The following CECR2 variants were observed in gnomAD, a reference collection of about 807,000 sequenced individuals.
The protein encoded by CECR2 is CECR2 histone acetyl-lysine reader.
In CECR2, 30 loss-of-function variants were observed where a neutral mutation model predicts 154.5. The observed-to-expected ratio is 0.19, with a 90% CI of 0.15 to 0.26. The LOEUF is 0.26. Among genes scored for constraint, CECR2 ranks in the 10% least tolerant of loss-of-function variants. The pLI is 1.00. For synonymous variants in CECR2, 725 were observed against 683.7 expected, an observed-to-expected ratio of 1.06 and a Z score of -0.94; for missense variants, 1,743 against 1,829.3, an observed-to-expected ratio of 0.95 and a Z score of 0.86.
intron 2 of CECR2, among the ~76,000 whole-genome samples, chr22:17,493,440 C>G (rs1038818016): frequency 6.6e-6 from 1 of 152,144 alleles, no homozygotes; most frequent in Non-Finnish European, 1.5e-5. Context: ...CTTCCTGAAG[C>G]CTTTTTATTT....
Position 17,521,182 on chromosome 22 carries a change from T to C in CECR2, c.955-2936T>C, listed in dbSNP as rs572671466. On this transcript the variant is annotated intron_variant, in intron 8 of 18. Transcript: ENST00000262608. The stretch of plus-strand genomic sequence containing the variant: ...ATTGTGGTTTTGATTTGCATTTCTC[T>C]GATGACCAGTGATGATGAGCATTTT... Among the ~76,000 whole-genome samples, 331 of 152,348 alleles carry C rather than the reference T, an allele frequency of 2.2e-3. 1 individual carries two copies. Among genetic ancestry groups the C allele is most frequent in the African/African-American group, 7.7e-3 (320 of 41,584 alleles).
intron 1 of CECR2, among the ~76,000 whole-genome samples, chr22:17,455,443 T>C (rs931246920): frequency 6.6e-6 from 1 of 152,198 alleles, no homozygotes. Flanking sequence ...ATCTTCATCT[T>C]CCCAGGATTT....
chr22:17,386,175 C>T (rs2146489745), intron 1 of CECR2, among the ~76,000 whole-genome samples: 1 of 152,176 alleles, frequency 6.6e-6, no homozygotes, highest in Non-Finnish European at 1.5e-5. Flanking sequence ...AGGAAAATGA[C>T]AACGGAAAAG....
Position 17,542,787 on chromosome 22 carries a change from A to C in CECR2, c.2644A>C (p.Ser882Arg), listed in dbSNP as rs2056549601. The C allele has an allele frequency of 6.2e-7, 1 of 1,613,856 alleles. No individual in the cohort carries two copies. The highest frequency in any genetic ancestry group is 8.5e-7 in the Non-Finnish European group (1 of 1,179,896). Reference protein sequence around the residue: ...GVQGGDSMMDSPEMIAMQQLS... With the variant: ...GVQGGDSMMDRPEMIAMQQLS... Reference sequence around the variant, plus strand: ...GCAGGGAGGGGACTCCATGATGGACAGCCCAGAGATGATTGCGATGCAGCA... The same window carrying C: ...GCAGGGAGGGGACTCCATGATGGACCGCCCAGAGATGATTGCGATGCAGCA... Residue 882 changes from serine to arginine, a missense_variant, in exon 16 of 19, where the codon AGC (serine) becomes CGC (arginine). Transcript: ENST00000262608.
In CECR2 at chr22:17,380,703, A is replaced by G. The variant is rs1356772791; in HGVS notation, c.126+10794A>G. 2.0e-5 allele frequency among the ~76,000 whole-genome samples: 3 copies of G among 152,200 alleles called. No individual in the cohort carries two copies. The East Asian group carries it at 5.8e-4, about 29-fold the overall frequency. On this transcript the variant is annotated intron_variant, in intron 1 of 18. Transcript: ENST00000262608. ...TAGAGGAAGCCGTGGGGCCACAATT[A>G]AGCTCACTGCTTCACGTTTTCAATG...
intron 1 of CECR2, among the ~76,000 whole-genome samples, chr22:17,472,076 T>A (rs564208425): frequency 6.6e-6 from 1 of 152,260 alleles, no homozygotes; most frequent in South Asian, 2.1e-4. Flanking sequence ...CACAGCTGTT[T>A]GATGCAAGGC....
chr22:17,497,688 T>TA, intron 3 of CECR2, 102 bp downstream of exon 3: 1 of 1,161,054 alleles, frequency 8.6e-7, no homozygotes, highest in Non-Finnish European at 1.3e-6. Context: ...GAGTTTGGCT[T>TA]GTGGTACTAG....
At chr22:17,512,872 G>T (rs999086983) in intron 8 of CECR2, among the ~76,000 whole-genome samples, 1 of 152,088 alleles carries the variant, frequency 6.6e-6, no homozygotes, top group Non-Finnish European at 1.5e-5. Context: ...TAGGTGTCAA[G>T]ACCTCGCCAT....
chr22:17,432,767 C>T (rs952183486), intron 1 of CECR2, among the ~76,000 whole-genome samples: 1 of 152,128 alleles, frequency 6.6e-6, no homozygotes, highest in African/African-American at 2.4e-5. Context: ...TCCTGAGTAC[C>T]TAGGACTGTA....
At chr22:17,430,488 T>A (rs2054404854) in intron 1 of CECR2, among the ~76,000 whole-genome samples, 1 of 152,152 alleles carries the variant, frequency 6.6e-6, no homozygotes, top group Admixed American at 6.5e-5. Context: ...CAATTATCTC[T>A]AACCCTCTCC....
At chr22:17,451,498 C>T (rs910416581) in intron 1 of CECR2, among the ~76,000 whole-genome samples, 2 of 151,988 alleles carry the variant, frequency 1.3e-5, no homozygotes, top group Admixed American at 1.3e-4. Context: ...CCTCTCTGGG[C>T]CTGAAAATTT....
At chr22:17,477,434 A>G (rs1025083804) in intron 1 of CECR2, 154 bp from the exon 2 acceptor site, 5 of 623,000 alleles carry the variant, frequency 8.0e-6, no homozygotes, top group Non-Finnish European at 1.4e-5. Context: ...TGCTCTTCTC[A>G]CAGTAGCCAG....
At chr22:17,394,557 A>G (rs1408773620) in intron 1 of CECR2, among the ~76,000 whole-genome samples, 1 of 152,044 alleles carries the variant, frequency 6.6e-6, no homozygotes, top group Non-Finnish European at 1.5e-5. Context: ...CAGTACCACT[A>G]TGTCTTGATT....
chr22:17,550,835 G>T (rs1029404226), intron 17 of CECR2, among the ~76,000 whole-genome samples: 2 of 152,066 alleles, frequency 1.3e-5, no homozygotes, highest in African/African-American at 4.8e-5. Flanking sequence ...CCAGCTACTC[G>T]GGAGGCTGAG....
rs1358418411 is a variant in CECR2 at position 17,500,692 on chromosome 22, A to G, written c.607A>G (p.Arg203Gly). The change falls in exon 5 of 19, where the codon AGA (arginine) becomes GGA (glycine). Residue 203 changes from arginine to glycine, a missense_variant. By Grantham distance (125) the Arg-to-Gly change is moderately radical. Coordinates refer to ENST00000262608, the MANE Select transcript of CECR2 (RefSeq NM_001290047.2). ...TGGAAAAACGGGAAAAAGAAGAGGAAGACCCCCAAAACGGAAGAAACTGCA... is the reference window on the plus strand; with the variant it reads ...TGGAAAAACGGGAAAAAGAAGAGGAGGACCCCCAAAACGGAAGAAACTGCA... ...IPGKTGKRRG[R>G]PPKRKKLQEE... The G allele has an allele frequency of 6.4e-7, 1 of 1,557,798 alleles. No individual in the cohort carries two copies.
upstream of CECR2, among the ~76,000 whole-genome samples, chr22:17,368,419 G>A (rs1318022871): frequency 6.6e-6 from 1 of 152,162 alleles, no homozygotes; most frequent in Non-Finnish European, 1.5e-5. Flanking sequence ...AGACCAGCAG[G>A]ATGCAAGTGC....
chr22:17,370,320 G>GGC (rs1555898265), intron 1 of CECR2, among the ~76,000 whole-genome samples: 1 of 111,624 alleles, frequency 9.0e-6, no homozygotes, highest in African/African-American at 5.1e-5. Flanking sequence ...GGCCGGGCGC[G>GGC]GGGGGGGGGC....
intron 1 of CECR2, among the ~76,000 whole-genome samples, chr22:17,451,886 G>C (rs1348609628): frequency 2.6e-5 from 4 of 152,120 alleles, no homozygotes. Context: ...TCATACAACT[G>C]TCTCAAAATA....
intron 7 of CECR2, among the ~76,000 whole-genome samples, chr22:17,508,562 T>A (rs771327421): frequency 1.3e-5 from 2 of 151,874 alleles, no homozygotes; most frequent in Admixed American, 6.6e-5. Context: ...CCATCTAGGG[T>A]TGTATATAGT....
Sources: allele counts gnomAD v4.1 joint callset (sites outside exome capture counted in the v4.1 genomes callset), GRCh38; gene constraint gnomAD v4.1.1; transcripts MANE v1.5; gene names NCBI Gene and HGNC (gene_info 2026-07-23, HGNC 2026-07-21).